The following VWA8 variants were observed in gnomAD, a reference collection of about 807,000 sequenced individuals.
VWA8 encodes von Willebrand factor A domain containing 8, also known as von Willebrand factor A domain-containing protein 8.
In VWA8, 221 loss-of-function variants were observed where a neutral mutation model predicts 241.5. The ratio of observed to expected loss-of-function variants is 0.91; its 90% CI spans 0.82 to 1.02. The LOEUF (loss-of-function observed/expected upper bound fraction) is 1.02. VWA8 is among the 50% of genes least tolerant of loss of function. The pLI is 0.00. For synonymous variants in VWA8, 852 were observed against 827.1 expected (o/e 1.03, Z -0.52); for missense variants, 2,322 against 2,328.7 (o/e 1.00, Z 0.06).
intron 22 of VWA8, among the ~76,000 whole-genome samples, chr13:41,731,265 G>A (rs1416814499): frequency 1.3e-5 from 2 of 151,948 alleles, no homozygotes; most frequent in East Asian, 1.9e-4. Context: ...TGTCATGTGC[G>A]CAGAGGGACA....
intron 40 of VWA8, among the ~76,000 whole-genome samples, chr13:41,598,078 T>A (rs2044499708): frequency 6.6e-6 from 1 of 152,084 alleles, no homozygotes; most frequent in African/African-American, 2.4e-5. Flanking sequence ...CACATAGCAA[T>A]CAGAGGAATT....
chr13:41,939,925 ACT>A (rs1262917812), intron 2 of VWA8, among the ~76,000 whole-genome samples: 2 of 152,240 alleles, frequency 1.3e-5, no homozygotes, highest in East Asian at 3.8e-4. Flanking sequence ...ATAAAATAGC[ACT>A]GTCATGCCTC....
At chr13:41,925,018 A>G (rs538904389) in intron 2 of VWA8, among the ~76,000 whole-genome samples, 2 of 152,328 alleles carry the variant, frequency 1.3e-5, no homozygotes, top group Admixed American at 6.5e-5. Flanking sequence ...CAGCAAAAGA[A>G]AAGCATCAAG....
chr13:41,742,122 G>A (rs2137879807), intron 21 of VWA8, among the ~76,000 whole-genome samples: 1 of 152,324 alleles, frequency 6.6e-6, no homozygotes, highest in East Asian at 1.9e-4. Context: ...GCTAAGTCCA[G>A]AGTGTACAGT....
At chr13:41,623,233 T>C (rs944465255) in intron 37 of VWA8, among the ~76,000 whole-genome samples, 4 of 152,142 alleles carry the variant, frequency 2.6e-5, no homozygotes, top group Non-Finnish European at 5.9e-5. Flanking sequence ...AGTGAGAATA[T>C]GATGCATAGA....
At chr13:41,689,212 T>TG in intron 34 of VWA8, 142 bp downstream of exon 34, 1 of 908,724 alleles carries the variant, frequency 1.1e-6, no homozygotes, top group Non-Finnish European at 1.6e-6. Context: ...TATTTTCTAC[T>TG]GACTGATTTG....
intron 14 of VWA8, 28 bp from the exon 15 acceptor site, chr13:41,819,414 AT>A (rs773215229): frequency 8.8e-6 from 14 of 1,585,342 alleles, no homozygotes; most frequent in South Asian, 7.1e-5. Flanking sequence ...ATGAAAAAAA[AT>A]AACATATCTT....
intron 37 of VWA8, among the ~76,000 whole-genome samples, chr13:41,624,903 T>C (rs1251398531): frequency 6.6e-6 from 1 of 152,190 alleles, no homozygotes; most frequent in African/African-American, 2.4e-5. Context: ...AATGATATGA[T>C]TCTATACCTA....
chr13:41,616,989 C>T (rs894109438), intron 37 of VWA8, among the ~76,000 whole-genome samples: 34 of 152,138 alleles, frequency 2.2e-4, no homozygotes, highest in Admixed American at 3.9e-4. Flanking sequence ...TGAGTCTGGG[C>T]GCAGTGGCTC....
Position 41,868,401 on chromosome 13 carries a change from T to A in VWA8, c.1157A>T (p.His386Leu). Residue 386 changes from histidine to leucine, a missense_variant, in exon 10 of 45, where the codon CAT (histidine) becomes CTT (leucine). His to Leu is a moderately conservative substitution (Grantham distance 99). Transcript: ENST00000379310. ...GATGGTCACAGAAGCTTGGGACACA[T>A]GGTTTTCCATCATCTTCTCTACTTT... ...IVKVEKMMENHVSQASVTIRI... is the reference protein window; with the variant it reads ...IVKVEKMMENLVSQASVTIRI... The A allele has an allele frequency of 6.2e-7, 1 of 1,614,124 alleles. No homozygotes were observed. The highest frequency in any genetic ancestry group is 8.5e-7 in the Non-Finnish European group (1 of 1,180,010).
intron 2 of VWA8, among the ~76,000 whole-genome samples, chr13:41,919,322 T>C (rs963480330): frequency 1.3e-5 from 2 of 152,126 alleles, no homozygotes; most frequent in African/African-American, 4.8e-5. Flanking sequence ...ATACCTGCAG[T>C]CTTTGCTACC....
chr13:41,675,338 C>T (rs1555317498), intron 35 of VWA8, 42 bp from the exon 36 acceptor site: 3 of 1,431,230 alleles, frequency 2.1e-6, no homozygotes, highest in East Asian at 2.3e-5. Flanking sequence ...TAAATTACTG[C>T]AAGATACCAA....
At chr13:41,747,701 T>C (rs1292563702) in intron 21 of VWA8, among the ~76,000 whole-genome samples, 1 of 152,154 alleles carries the variant, frequency 6.6e-6, no homozygotes, top group East Asian at 1.9e-4. Flanking sequence ...TGCTTCCAGT[T>C]TTCACCCATT....
chr13:41,614,287 C>A (rs185741751), intron 38 of VWA8, among the ~76,000 whole-genome samples: 8 of 152,338 alleles, frequency 5.3e-5, no homozygotes, highest in African/African-American at 1.9e-4. Context: ...CCTGCCAGCA[C>A]TCCTCATGGT....
chr13:41,834,528 T>G (rs1871629675), intron 12 of VWA8, among the ~76,000 whole-genome samples: 1 of 152,202 alleles, frequency 6.6e-6, no homozygotes, highest in African/African-American at 2.4e-5. Flanking sequence ...GTTTCAATCT[T>G]CTCACTATCA....
intron 9 of VWA8, 144 bp downstream of exon 9, chr13:41,883,243 A>T: frequency 1.7e-6 from 1 of 605,648 alleles, no homozygotes; most frequent in Non-Finnish European, 2.9e-6. Flanking sequence ...TGCCTGGTAA[A>T]GAATGGAGGG....
intron 8 of VWA8, among the ~76,000 whole-genome samples, chr13:41,883,855 A>G (rs1268589861): frequency 1.3e-5 from 2 of 152,158 alleles, no homozygotes; most frequent in African/African-American, 4.8e-5. Context: ...TCTCTACCTT[A>G]TTCATCCCAA....
At chr13:41,585,857 C>A (rs1352351916) in intron 42 of VWA8, among the ~76,000 whole-genome samples, 1 of 139,452 alleles carries the variant, frequency 7.2e-6, no homozygotes, top group African/African-American at 2.6e-5. Context: ...GAGTGAGACA[C>A]CGTCTTAAAA....
rs796490933 is a variant in VWA8, at chr13:41,898,873, A to T, written c.484-7286T>A. 1.4e-4 allele frequency among the ~76,000 whole-genome samples: 21 copies of T among 150,138 alleles called. 1 individual carries two copies. The South Asian group carries it at 4.5e-3, about 32-fold the overall frequency. On this transcript the variant is annotated intron_variant, in intron 4 of 44. Coordinates refer to ENST00000379310, the MANE Select transcript of VWA8 (RefSeq NM_015058.2). ...CCTGCAGGGCCGGCCGGCTGCTCCG[A>T]GTGTGGGCCCGCCAAGCCCACGCCC...
Sources: gnomAD v4.1 joint callset for allele counts (sites outside exome capture counted in the v4.1 genomes callset) on GRCh38, gnomAD v4.1.1 for gene constraint, MANE v1.5 for transcripts, NCBI Gene and HGNC (gene_info 2026-07-23, HGNC 2026-07-21) for gene names.